PIGQ: variants seen among roughly 807,000 people sequenced by gnomAD.
PIGQ encodes the protein phosphatidylinositol glycan anchor biosynthesis class Q, also known as phosphatidylinositol N-acetylglucosaminyltransferase subunit Q.
Under a neutral mutation model 60.3 loss-of-function variants are expected in PIGQ, and 54 were observed. The observed-to-expected ratio is 0.90, with a 90% CI of 0.72 to 1.12. The LOEUF (loss-of-function observed/expected upper bound fraction) is 1.12, where lower values mean the gene tolerates loss of function less well. PIGQ is among the 50% of genes most tolerant of loss of function. The pLI, the probability that PIGQ is intolerant of heterozygous loss-of-function variation, is 0.00. For missense variants in PIGQ, 799 were observed against 793.5 expected (o/e 1.01, Z -0.08); for synonymous variants, 416 against 363.7 (o/e 1.14, Z -1.64).
Position 575,887 on chromosome 16 carries a change from G to T in PIGQ, c.738G>T (p.Thr246=). The change falls in exon 3 of 11, where the codon ACG becomes ACT. Residue 246 remains threonine, a synonymous_variant. Coordinates refer to ENST00000321878, the MANE Select transcript of PIGQ (RefSeq NM_004204.5). ...PLSFLGSKLS[T]CEQLRHRLEH... ...CCTTCCTCGGGAGCAAACTCTCCAC[G>T]TGCGAACAGCTCCGGCACCGGCTGG... 6.3e-7 allele frequency: 1 copy of T among 1,575,358 alleles called. No homozygotes were observed. The highest frequency in any genetic ancestry group is 8.6e-7 in the Non-Finnish European group (1 of 1,159,526).
At chr16:579,870 C>T (rs924072602) in intron 7 of PIGQ, 8 of 240,742 alleles carry the variant, frequency 3.3e-5, no homozygotes, top group African/African-American at 1.1e-4. Context: ...TAGAGTTGCC[C>T]GGGCCCGTCT....
intron 1 of PIGQ, 173 bp downstream of exon 1, chr16:570,269 GGCGGTC>G: frequency 6.6e-6 from 1 of 152,186 alleles, no homozygotes; most frequent in African/African-American, 2.4e-5. Context: ...CCTGTGCAAG[GGCGGTC>G]GGCGGCCCGG....
In PIGQ at chr16:582,296, G is replaced by A. The variant is rs745593701; in HGVS notation, c.1580G>A (p.Arg527His). ...CGGCACGAGGCCGGCAGGCCCCTCC[G>A]CCTCCTGATGCAGGTGAGGCCCCTT... is the stretch of plus-strand genomic sequence containing the variant. ...VLRHEAGRPL[R>H]LLMQINPLPY... The change falls in exon 10 of 11, where the codon CGC becomes CAC. Residue 527 changes from arginine to histidine, a missense_variant. Transcript: ENST00000321878. The A allele has an allele frequency of 1.9e-5, 30 of 1,600,550 alleles. No homozygotes were observed. The highest frequency in any genetic ancestry group is 1.1e-4 in the East Asian group (5 of 44,482).
chr16:578,097 G>A, intron 4 of PIGQ: 2 of 351,910 alleles, frequency 5.7e-6, no homozygotes, highest in Non-Finnish European at 1.1e-5. Flanking sequence ...GAGAGGGGAG[G>A]AAGATGGTAG....
Position 571,571 on chromosome 16 carries a change from CGT to C in PIGQ, c.-10+1499_-10+1500del, listed in dbSNP as rs4006743. On this transcript the variant is annotated intron_variant, in intron 1 of 10. Transcript: ENST00000321878. Reference sequence around the variant, plus strand: ...GTGTGTGTCTGGCTAGCCTGGTGCCCGTGTGTGTGTGTGTGTGTGTGTGTGGC... The same window carrying C: ...GTGTGTGTCTGGCTAGCCTGGTGCCCGTGTGTGTGTGTGTGTGTGTGTGGC... Among the ~76,000 whole-genome samples the C allele has an allele frequency of 3.7e-3, 324 of 87,208 alleles. 4 individuals are homozygous for C. Among genetic ancestry groups the C allele is most frequent in the Admixed American group, 6.7e-3 (57 of 8,500 alleles). The allele number at this position is 87,208 out of a possible 152,430, so 57.2% of individuals were successfully genotyped here.
intron 1 of PIGQ, among the ~76,000 whole-genome samples, chr16:572,766 G>A (rs181374438): frequency 1.3e-5 from 2 of 150,732 alleles, no homozygotes; most frequent in Non-Finnish European, 3.0e-5. Context: ...CAGGCGTCCC[G>A]CTCTGTTCCC....
chr16:580,994 G>C (rs2035801270), intron 9 of PIGQ, 22 bp downstream of exon 9: 3 of 1,505,256 alleles, frequency 2.0e-6, no homozygotes, highest in East Asian at 4.5e-5. Context: ...GTATTGGGCA[G>C]CTGGCCCTGG....
rs529870554 is a variant in PIGQ at position 582,340 on chromosome 16, C to A, written c.1593+31C>A. Reference sequence around the variant, plus strand: ...GCCCCTTGTGGCCAGGACGCCCCTACGCTGCTGCCCCTGTTCTGGGACGGT... The same window carrying A: ...GCCCCTTGTGGCCAGGACGCCCCTAAGCTGCTGCCCCTGTTCTGGGACGGT... On this transcript the variant is annotated intron_variant, in intron 10 of 10. Transcript: ENST00000321878. 33 of 1,523,888 alleles carry A rather than the reference C, an allele frequency of 2.2e-5. No individual in the cohort carries two copies. The South Asian group carries it at 3.6e-4, about 16-fold the overall frequency. The allele number at this position is 1,523,888 out of a possible 1,614,324, so 94.4% of individuals were successfully genotyped here.
chr16:581,683 C>G (rs1323436201), intron 9 of PIGQ: 1 of 161,670 alleles, frequency 6.2e-6, no homozygotes, highest in African/African-American at 2.4e-5. Context: ...ACGCTGGTCT[C>G]GAACTCCTGA....
rs994530499 is a variant in PIGQ at position 578,566 on chromosome 16, C to G, written c.1069+61C>G. 153 of 1,557,964 alleles carry G rather than the reference C, an allele frequency of 9.8e-5. 1 individual carries two copies. The highest frequency in any genetic ancestry group is 1.3e-4 in the Non-Finnish European group (147 of 1,144,258). On this transcript the variant is annotated intron_variant, in intron 5 of 10. Transcript: ENST00000321878. ...AGAGCTTGCTGAAGAGGGTAGGGACCCAGCCAGACCCCGCCCCCTGTGCCC... is the reference window on the plus strand; with the variant it reads ...AGAGCTTGCTGAAGAGGGTAGGGACGCAGCCAGACCCCGCCCCCTGTGCCC...
intron 1 of PIGQ, among the ~76,000 whole-genome samples, chr16:572,849 G>C (rs527348299): frequency 6.6e-6 from 1 of 152,390 alleles, no homozygotes; most frequent in Admixed American, 6.5e-5. Context: ...TAAGGGCGTG[G>C]TGGGCGCTGG....
In PIGQ at chr16:572,436, G is replaced by A. The variant is rs540658236; in HGVS notation, c.-9-1630G>A. Reference sequence around the variant, plus strand: ...CTGCCTGCAGGGGAGGAGAGCAGCTGCACCAGGGGCCTCTTAAGCCCCAGG... The same window carrying A: ...CTGCCTGCAGGGGAGGAGAGCAGCTACACCAGGGGCCTCTTAAGCCCCAGG... On this transcript the variant is annotated intron_variant, in intron 1 of 10. Coordinates refer to ENST00000321878, the MANE Select transcript of PIGQ (RefSeq NM_004204.5). 115 of 442,768 alleles carry A rather than the reference G, an allele frequency of 2.6e-4. 3 individuals are homozygous for A. The highest frequency in any genetic ancestry group is 1.5e-3 in the South Asian group (92 of 62,470). The allele number at this position is 442,768 out of a possible 1,614,324, so 27.4% of individuals were successfully genotyped here.
At position 571,893 on chromosome 16, in the gene PIGQ, A is replaced by C. The variant is rs962865675; in HGVS notation, c.-10+1797A>C. 1.7e-3 allele frequency among the ~76,000 whole-genome samples: 206 copies of C among 121,174 alleles called. 1 individual carries two copies. The highest frequency in any genetic ancestry group is 5.6e-3 in the African/African-American group (202 of 35,914). 79.5% of individuals were successfully genotyped at this position (121,174 alleles called of 152,430 possible). A position where few individuals can be genotyped will look rare whatever the true frequency, so the allele number is the denominator to read the frequency against. On this transcript the variant is annotated intron_variant, in intron 1 of 10. Coordinates refer to ENST00000321878, the MANE Select transcript of PIGQ (RefSeq NM_004204.5). ...CCATCTCCTTCGGTAGACACAAGGC[A>C]CTTTTTTTTTTTAAGGTAAACTTTG... is the stretch of plus-strand genomic sequence containing the variant.
At position 583,722 on chromosome 16, in the gene PIGQ, C is replaced by A; in HGVS notation, c.*687C>A. The A allele has an allele frequency of 6.9e-7, 1 of 1,441,532 alleles. No homozygotes were observed. Among genetic ancestry groups the A allele is most frequent in the Non-Finnish European group, 9.7e-7 (1 of 1,034,476 alleles). The allele number at this position is 1,441,532 out of a possible 1,614,324, so 89.3% of individuals were successfully genotyped here. ...TCAAGGGCCCGCCCACTGACCCAGC[C>A]GTACCTATTCGTCCACGGTGCCCCG... On this transcript the variant is annotated 3_prime_UTR_variant, in exon 11 of 11. Transcript: ENST00000321878.
In PIGQ at chr16:577,419, T is replaced by C. The variant is rs1247908377; in HGVS notation, c.943-960T>C. On this transcript the variant is annotated intron_variant, in intron 4 of 10. Coordinates refer to ENST00000321878, the MANE Select transcript of PIGQ (RefSeq NM_004204.5). ...AGTGAAATCCCGTCTCTACTAAAAA[T>C]ACAAAAAATTAGCCAGGTATGGTGG... Among the ~76,000 whole-genome samples, 4 of 151,802 alleles carry C rather than the reference T, an allele frequency of 2.6e-5. No individual in the cohort carries two copies. The East Asian group carries it at 5.8e-4, about 22-fold the overall frequency.
chr16:578,340 G>A (rs761431850), intron 4 of PIGQ, 39 bp from the exon 5 acceptor site: 1 of 1,587,010 alleles, frequency 6.3e-7, no homozygotes, highest in Non-Finnish European at 8.5e-7. Flanking sequence ...TGCTGAGCCT[G>A]GCTGCCCCCG....
intron 2 of PIGQ, 112 bp from the exon 3 acceptor site, chr16:575,727 G>C: frequency 8.3e-7 from 1 of 1,199,274 alleles, no homozygotes; most frequent in Admixed American, 2.1e-5. Context: ...CCTGCCCCCT[G>C]TCCTGCTGAG....
At chr16:571,611 CGT>C (rs4006749) in intron 1 of PIGQ, among the ~76,000 whole-genome samples, 53,467 of 124,292 alleles carry the variant, frequency 0.43, 11,592 homozygotes, top group African/African-American at 0.54. Context: ...GCCTGGCGCC[CGT>C]GTGTGTGTGT....
intron 1 of PIGQ, among the ~76,000 whole-genome samples, chr16:573,589 G>T (rs1426823701): frequency 6.6e-6 from 1 of 152,224 alleles, no homozygotes; most frequent in Non-Finnish European, 1.5e-5. Context: ...CTTAATACGT[G>T]AATCATGGTT....
Sources: allele counts gnomAD v4.1 joint callset (sites outside exome capture counted in the v4.1 genomes callset), GRCh38; gene constraint gnomAD v4.1.1; transcripts MANE v1.5; gene names NCBI Gene and HGNC (gene_info 2026-07-23, HGNC 2026-07-21).